The following RFC3 variants were observed in gnomAD, a reference collection of about 807,000 sequenced individuals.
The protein encoded by RFC3 is replication factor C subunit 3.
A neutral mutation model predicts 45.1 loss-of-function variants in RFC3; 41 were observed. That is an observed-to-expected ratio of 0.91 (90% CI 0.71 to 1.18). The LOEUF is 1.18. Among genes scored for constraint, RFC3 ranks in the 50% most tolerant of loss-of-function variants. The probability of loss-of-function intolerance (pLI) is 0.00; values close to 1 mark genes in which losing one functional copy is unlikely to be tolerated. For missense variants in RFC3, 423 were observed against 428.1 expected, an observed-to-expected ratio of 0.99 and a Z score of 0.10; for synonymous variants, 149 against 144.0, an observed-to-expected ratio of 1.03 and a Z score of -0.25.
intron 8 of RFC3, among the ~76,000 whole-genome samples, chr13:33,891,842 T>A (rs976920155): frequency 1.3e-5 from 2 of 152,118 alleles, no homozygotes; most frequent in African/African-American, 2.4e-5. Context: ...ATAAATGTGC[T>A]TAAAGTCCTA....
intron 8 of RFC3, among the ~76,000 whole-genome samples, chr13:33,955,483 G>A (rs1268931720): frequency 6.6e-6 from 1 of 152,132 alleles, no homozygotes; most frequent in African/African-American, 2.4e-5. Context: ...TTACCTGAAG[G>A]AGGGGCGTGA....
At position 33,819,866 on chromosome 13, in the gene RFC3, C is replaced by A. The variant is rs141436279; in HGVS notation, c.88-1266C>A. 1.1e-4 allele frequency among the ~76,000 whole-genome samples: 17 copies of A among 152,176 alleles called. No homozygotes were observed. The East Asian group carries it at 2.1e-3, about 19-fold the overall frequency. ...ACTATGAAACATTTAAAGCATAACC[C>A]TTATTTTTGATTAGATTGAAGTTGA... On this transcript the variant is annotated intron_variant, in intron 1 of 8. Coordinates refer to ENST00000380071, the MANE Select transcript of RFC3 (RefSeq NM_002915.4).
intron 8 of RFC3, among the ~76,000 whole-genome samples, chr13:33,949,611 G>A (rs2082976349): frequency 6.6e-6 from 1 of 152,178 alleles, no homozygotes; most frequent in Admixed American, 6.5e-5. Flanking sequence ...TGCAGTAGAA[G>A]TCCTTTAGGT....
chr13:33,837,624 T>C (rs913342707), downstream of RFC3: 4 of 152,252 alleles, frequency 2.6e-5, no homozygotes, highest in Admixed American at 6.5e-5. Context: ...CCTAAAGTTA[T>C]ATTACTTTAC....
chr13:33,863,154 T>C (rs951291986), intron 8 of RFC3, among the ~76,000 whole-genome samples: 2 of 152,234 alleles, frequency 1.3e-5, no homozygotes, highest in African/African-American at 4.8e-5. Context: ...TGCCTTTAAC[T>C]GATAGACAGT....
intron 8 of RFC3, chr13:33,966,008 C>A: frequency 1.9e-6 from 2 of 1,042,620 alleles, no homozygotes; most frequent in Non-Finnish European, 1.5e-6. Context: ...TATTACACAT[C>A]CTTTGTATCC....
chr13:33,890,449 C>A (rs2082556421), intron 8 of RFC3, among the ~76,000 whole-genome samples: 2 of 152,092 alleles, frequency 1.3e-5, no homozygotes, highest in South Asian at 4.1e-4. Flanking sequence ...GGATTATATC[C>A]TAGATACCTC....
chr13:33,934,660 G>A (rs1410854421), intron 8 of RFC3, among the ~76,000 whole-genome samples: 6 of 152,120 alleles, frequency 3.9e-5, no homozygotes, highest in Admixed American at 2.6e-4. Context: ...GGACTCGGCA[G>A]CCACCAGTCT....
downstream of RFC3, chr13:33,966,615 G>T: frequency 6.3e-6 from 1 of 158,448 alleles, no homozygotes; most frequent in Admixed American, 6.1e-5. Context: ...GTTTGTCAGG[G>T]AGTAAAATGT....
intron 8 of RFC3, among the ~76,000 whole-genome samples, chr13:33,891,080 G>A (rs2082560551): frequency 6.6e-6 from 1 of 151,988 alleles, no homozygotes; most frequent in Non-Finnish European, 1.5e-5. Flanking sequence ...AGTCCTTCTA[G>A]GTCATCACTA....
chr13:33,924,705 A>G (rs992929438), intron 8 of RFC3, among the ~76,000 whole-genome samples: 11 of 139,838 alleles, frequency 7.9e-5, no homozygotes, highest in Admixed American at 1.4e-4. Flanking sequence ...CATTGTGTGT[A>G]TGTGTGTGTG....
intron 8 of RFC3, among the ~76,000 whole-genome samples, chr13:33,867,923 T>G (rs1054089372): frequency 1.3e-5 from 2 of 152,250 alleles, no homozygotes; most frequent in African/African-American, 4.8e-5. Flanking sequence ...AAATGAGTTT[T>G]GTTGGTTAAT....
intron 8 of RFC3, among the ~76,000 whole-genome samples, chr13:33,942,829 T>A (rs896191455): frequency 1.3e-5 from 2 of 152,180 alleles, no homozygotes; most frequent in Non-Finnish European, 2.9e-5. Context: ...GGAATGCCAA[T>A]GGTTCTAAAT....
In RFC3 at chr13:33,962,002, G is replaced by A. The variant is rs191834644; in HGVS notation, c.880-4085G>A. Among the ~76,000 whole-genome samples, 6 of 152,326 alleles carry A rather than the reference G, an allele frequency of 3.9e-5. No individual in the cohort carries two copies. The East Asian group carries it at 1.2e-3, about 29-fold the overall frequency. The stretch of plus-strand genomic sequence containing the variant: ...TGTCTTAAAGAAACTGATCTCATCA[G>A]CAATGGTCCCCAGAGGAGTCATGAA... On this transcript the variant is annotated intron_variant, in intron 8 of 8. Coordinates refer to the RFC3 transcript ENST00000434425.
chr13:33,836,155 G>T lies in RFC3; in HGVS notation c.931G>T (p.Val311Leu). 2 of 1,613,260 alleles carry T rather than the reference G, an allele frequency of 1.2e-6. No homozygotes were observed. The highest frequency in any genetic ancestry group is 1.7e-6 in the Non-Finnish European group (2 of 1,179,380). ...TTGTGATGGACAACTGAAAGGGGAG[G>T]TGGCACAAATGGCAGCTTACTATGA... ...HNCDGQLKGE[V>L]AQMAAYYEHR... Residue 311 changes from valine (V) to leucine (L), a missense_variant, in exon 9 of 9, where the codon GTG (valine) becomes TTG (leucine). By Grantham distance (32) the Val-to-Leu change is conservative. Transcript: ENST00000380071.
chr13:33,845,604 A>C (rs1261257782), intron 8 of RFC3, among the ~76,000 whole-genome samples: 1 of 152,044 alleles, frequency 6.6e-6, no homozygotes, highest in Non-Finnish European at 1.5e-5. Context: ...TCAGCTGCAG[A>C]ATTTCTGTTT....
At chr13:33,899,204 C>CAAAAAAAAAAAAAAAAAAAAAAAAAAA (rs59221382) in intron 8 of RFC3, among the ~76,000 whole-genome samples, 7 of 51,970 alleles carry the variant, frequency 1.3e-4, no homozygotes, top group South Asian at 9.2e-4. Context: ...CACAATAAGA[C>CAAAAAAAAAAAAAAAAAAAAAAAAAAA]AAAAAAAAAA....
Position 33,837,037 on chromosome 13 carries a change from A to C in RFC3, c.*742A>C, listed in dbSNP as rs2082161521. The C allele has an allele frequency of 4.1e-6, 4 of 984,784 alleles. No individual in the cohort carries two copies. In the Admixed American group the frequency reaches 2.5e-4, roughly 61 times the overall value. The allele number at this position is 984,784 out of a possible 1,614,324, so 61.0% of individuals were successfully genotyped here. On this transcript the variant is annotated 3_prime_UTR_variant, in exon 9 of 9. Coordinates refer to ENST00000380071, the MANE Select transcript of RFC3 (RefSeq NM_002915.4). Reference sequence around the variant, plus strand: ...AATTAAATATTTTGGTTCATGGACCAAAGGGTTTACTTGACAAATTTGTGT... The same window carrying C: ...AATTAAATATTTTGGTTCATGGACCCAAGGGTTTACTTGACAAATTTGTGT...
At chr13:33,912,904 C>G (rs1258303636) in intron 8 of RFC3, among the ~76,000 whole-genome samples, 2 of 151,918 alleles carry the variant, frequency 1.3e-5, no homozygotes, top group African/African-American at 4.8e-5. Flanking sequence ...AGCTTAATAA[C>G]TGGGTGTGTG....
Sources: allele counts gnomAD v4.1 joint callset (sites outside exome capture counted in the v4.1 genomes callset), GRCh38; gene constraint gnomAD v4.1.1; transcripts MANE v1.5; gene names NCBI Gene and HGNC (gene_info 2026-07-23, HGNC 2026-07-21).